Variants in OXR1 observed in about 807,000 individuals in gnomAD.
OXR1 encodes oxidation resistance 1.
Under a neutral mutation model 104.6 loss-of-function variants are expected in OXR1, and 41 were observed. The observed-to-expected ratio is 0.39, with a 90% CI of 0.31 to 0.51. OXR1 has a LOEUF of 0.51. Among genes scored for constraint, OXR1 ranks in the 20% least tolerant of loss-of-function variants. OXR1 has a pLI of 0.77. For missense variants in OXR1, 955 were observed against 1,031.9 expected, an observed-to-expected ratio of 0.93 and a Z score of 1.02; for synonymous variants, 348 against 348.4, an observed-to-expected ratio of 1.00 and a Z score of 0.01.
chr8:106,524,690 A>C (rs191880636), intron 3 of OXR1, among the ~76,000 whole-genome samples: 1 of 152,352 alleles, frequency 6.6e-6, no homozygotes, highest in Admixed American at 6.5e-5. Context: ...GCGTTGGGAA[A>C]GAGCGTGCCT....
intron 2 of OXR1, among the ~76,000 whole-genome samples, chr8:106,379,533 C>CTTT (rs1817047602): frequency 1.0e-5 from 1 of 96,972 alleles, no homozygotes; most frequent in African/African-American, 4.9e-5. Flanking sequence ...TTTTTTCTTT[C>CTTT]TTTCTTTTTT....
intron 3 of OXR1, among the ~76,000 whole-genome samples, chr8:106,645,838 C>T (rs545718116): frequency 6.6e-6 from 1 of 152,224 alleles, no homozygotes; most frequent in African/African-American, 2.4e-5. Flanking sequence ...ATGGCTGAAA[C>T]ATTTGGACAA....
At chr8:106,317,522 C>T (rs1169772448) in intron 1 of OXR1, among the ~76,000 whole-genome samples, 1 of 152,104 alleles carries the variant, frequency 6.6e-6, no homozygotes, top group Non-Finnish European at 1.5e-5. Flanking sequence ...TTTTAAATAT[C>T]GATCTTATTA....
At chr8:106,316,928 T>C (rs554185922) in intron 1 of OXR1, among the ~76,000 whole-genome samples, 248 of 152,266 alleles carry the variant, frequency 1.6e-3, no homozygotes, top group Non-Finnish European at 2.6e-3. Context: ...TGGAGTGCAG[T>C]GACGCAATCT....
At chr8:106,335,110 C>G (rs1046440447) in intron 1 of OXR1, among the ~76,000 whole-genome samples, 1 of 151,908 alleles carries the variant, frequency 6.6e-6, no homozygotes, top group Admixed American at 6.6e-5. Context: ...ATGCCATTCT[C>G]TCTCTCTCTC....
intron 2 of OXR1, among the ~76,000 whole-genome samples, chr8:106,506,576 C>A (rs1045892457): frequency 1.3e-5 from 2 of 151,882 alleles, no homozygotes; most frequent in Non-Finnish European, 2.9e-5. Flanking sequence ...ACGCCGCAGC[C>A]CTCCAGCCTG....
chr8:106,723,141 A>T (rs1832969570), intron 11 of OXR1, among the ~76,000 whole-genome samples: 1 of 151,920 alleles, frequency 6.6e-6, no homozygotes, highest in Non-Finnish European at 1.5e-5. Flanking sequence ...AGATTACCTG[A>T]GGTCAGGAGT....
chr8:106,744,775 A>G (rs1447291426), intron 15 of OXR1, among the ~76,000 whole-genome samples: 1 of 152,208 alleles, frequency 6.6e-6, no homozygotes, highest in Non-Finnish European at 1.5e-5. Context: ...GGAGTGTGGC[A>G]TGTAAAACCT....
chr8:106,706,246 T>A lies in OXR1; in HGVS notation c.861-136T>A. 3 of 546,548 alleles carry A rather than the reference T, an allele frequency of 5.5e-6. No homozygotes were observed. The South Asian group carries it at 8.8e-5, about 16-fold the overall frequency. 33.9% of individuals were successfully genotyped at this position (546,548 alleles called of 1,614,324 possible). On this transcript the variant is annotated intron_variant, in intron 8 of 16. Transcript: ENST00000517566. Reference sequence around the variant, plus strand: ...GTCATATTGAATAAATCAGATTTTTTATATTCTTTGGAGATACGTGCTACA... The same window carrying A: ...GTCATATTGAATAAATCAGATTTTTAATATTCTTTGGAGATACGTGCTACA...
At chr8:106,666,321 G>A (rs1248904398) in intron 3 of OXR1, among the ~76,000 whole-genome samples, 1 of 152,190 alleles carries the variant, frequency 6.6e-6, no homozygotes, top group African/African-American at 2.4e-5. Flanking sequence ...CAGTATGGTA[G>A]CCACTAGGCA....
At chr8:106,272,066 GC>G (rs1811842508) in intron 1 of OXR1, 1 of 152,208 alleles carries the variant, frequency 6.6e-6, no homozygotes. Flanking sequence ...TCTGGTGGGG[GC>G]CTCCCTGGAG....
intron 2 of OXR1, among the ~76,000 whole-genome samples, chr8:106,460,743 C>T (rs761113709): frequency 2.0e-5 from 3 of 152,126 alleles, no homozygotes; most frequent in Non-Finnish European, 2.9e-5. Context: ...AAGGCAAAAT[C>T]GTTCCCTGTA....
chr8:106,723,333 T>C (rs1832997069), intron 11 of OXR1, among the ~76,000 whole-genome samples: 1 of 151,850 alleles, frequency 6.6e-6, no homozygotes, highest in African/African-American at 2.4e-5. Context: ...CTACTAAAAA[T>C]ATAAAATAAA....
intron 2 of OXR1, among the ~76,000 whole-genome samples, chr8:106,455,294 A>G (rs1820542898): frequency 1.3e-5 from 2 of 152,202 alleles, no homozygotes; most frequent in African/African-American, 4.8e-5. Context: ...ATTTTTGTGC[A>G]TTTCATCAGG....
At chr8:106,504,253 T>C (rs1488104955) in intron 2 of OXR1, among the ~76,000 whole-genome samples, 1 of 152,170 alleles carries the variant, frequency 6.6e-6, no homozygotes, top group East Asian at 1.9e-4. Context: ...CCAGTGTTGT[T>C]TTAATTTTAC....
At chr8:106,467,494 G>A (rs189003929) in intron 2 of OXR1, among the ~76,000 whole-genome samples, 15 of 151,966 alleles carry the variant, frequency 9.9e-5, no homozygotes, top group African/African-American at 3.6e-4. Context: ...CTCAGCCTAA[G>A]TCCTTGCTTC....
At chr8:106,545,442 G>GA (rs993967091) in intron 3 of OXR1, among the ~76,000 whole-genome samples, 45 of 152,156 alleles carry the variant, frequency 3.0e-4, no homozygotes, top group African/African-American at 8.2e-4. Flanking sequence ...AAAAACAAAA[G>GA]AAAAAACTAT....
chr8:106,312,792 T>A (rs1813764223), intron 1 of OXR1, among the ~76,000 whole-genome samples: 1 of 152,168 alleles, frequency 6.6e-6, no homozygotes. Context: ...ATTAATACAG[T>A]CATCAGCTAA....
At chr8:106,581,109 G>A (rs1251601596) in intron 3 of OXR1, 4 of 1,242,068 alleles carry the variant, frequency 3.2e-6, no homozygotes, top group Non-Finnish European at 4.1e-6. Context: ...GCTATTCAAA[G>A]ACAGTCTAGA....
Sources: allele counts gnomAD v4.1 joint callset (sites outside exome capture counted in the v4.1 genomes callset), GRCh38; gene constraint gnomAD v4.1.1; transcripts MANE v1.5; gene names NCBI Gene and HGNC (gene_info 2026-07-23, HGNC 2026-07-21).